SRPK2: variants seen among roughly 807,000 people sequenced by gnomAD.
SRPK2 encodes SFRS protein kinase 2.
Under a neutral mutation model 90.8 loss-of-function variants are expected in SRPK2, and 21 were observed. The ratio of observed to expected loss-of-function variants is 0.23; its 90% confidence interval spans 0.16 to 0.33. The LOEUF (loss-of-function observed/expected upper bound fraction) is 0.33, where lower values mean the gene tolerates loss of function less well. Among genes scored for constraint, SRPK2 ranks in the 10% least tolerant of loss-of-function variants. The probability of loss-of-function intolerance (pLI) is 1.00; values close to 1 mark genes in which losing one functional copy is unlikely to be tolerated. For synonymous variants in SRPK2, 288 were observed against 311.1 expected (o/e 0.93, Z 0.78); for missense variants, 620 against 869.0 (o/e 0.71, Z 3.60).
At chr7:105,257,949 T>C (rs1354752841) in intron 2 of SRPK2, among the ~76,000 whole-genome samples, 1 of 151,362 alleles carries the variant, frequency 6.6e-6, no homozygotes, top group Non-Finnish European at 1.5e-5. Flanking sequence ...CTACTAAAAA[T>C]ACAAAAAGTT....
chr7:105,236,878 A>G (rs1166900997), intron 2 of SRPK2, among the ~76,000 whole-genome samples: 2 of 152,240 alleles, frequency 1.3e-5, no homozygotes, highest in African/African-American at 4.8e-5. Flanking sequence ...CTCCACAAAT[A>G]TAGAGATAGA....
chr7:105,305,908 T>C (rs1430390702), intron 2 of SRPK2, among the ~76,000 whole-genome samples: 3 of 152,186 alleles, frequency 2.0e-5, no homozygotes, highest in African/African-American at 7.2e-5. Flanking sequence ...GTACAAATCA[T>C]GGGAAGATAA....
At chr7:105,301,558 T>C in intron 2 of SRPK2, 1 of 1,573,368 alleles carries the variant, frequency 6.4e-7, no homozygotes, top group Admixed American at 1.7e-5. Context: ...ACTAGAAGCA[T>C]TACGCTCTAT....
At chr7:105,159,719 C>T (rs896280781) in intron 7 of SRPK2, among the ~76,000 whole-genome samples, 1 of 152,188 alleles carries the variant, frequency 6.6e-6, no homozygotes, top group African/African-American at 2.4e-5. Flanking sequence ...AGCATCATCT[C>T]TAAGCCTGAC....
intron 2 of SRPK2, among the ~76,000 whole-genome samples, chr7:105,327,298 C>T (rs539433743): frequency 1.3e-5 from 2 of 152,264 alleles, no homozygotes; most frequent in African/African-American, 2.4e-5. Context: ...TGTCCATAAA[C>T]GAAGTTTGAT....
chr7:105,121,214 G>A (rs1232385011), intron 15 of SRPK2, among the ~76,000 whole-genome samples: 4 of 151,910 alleles, frequency 2.6e-5, no homozygotes, highest in Non-Finnish European at 5.9e-5. Flanking sequence ...GCGTGGTGGT[G>A]CACACCTGTA....
At chr7:105,222,389 T>C (rs1461231830) in intron 2 of SRPK2, among the ~76,000 whole-genome samples, 1 of 152,246 alleles carries the variant, frequency 6.6e-6, no homozygotes, top group Non-Finnish European at 1.5e-5. Context: ...ACAAGTAACA[T>C]TCCTTTTTAG....
intron 2 of SRPK2, chr7:105,205,910 A>G (rs536058131): frequency 2.2e-5 from 11 of 508,734 alleles, no homozygotes; most frequent in Middle Eastern, 3.2e-4. Context: ...TATATAAAAA[A>G]TGAGTACATT....
At chr7:105,194,043 G>C (rs943811358) in intron 3 of SRPK2, among the ~76,000 whole-genome samples, 2 of 151,910 alleles carry the variant, frequency 1.3e-5, no homozygotes. Flanking sequence ...GTCTGAAGCT[G>C]GTCTTTTCAT....
intron 2 of SRPK2, among the ~76,000 whole-genome samples, chr7:105,313,957 T>G (rs1812023994): frequency 6.6e-6 from 1 of 152,178 alleles, no homozygotes. Context: ...CTCATTTATA[T>G]CCAAAAAAAT....
At chr7:105,358,735 C>G (rs181087177) in intron 2 of SRPK2, among the ~76,000 whole-genome samples, 1 of 151,920 alleles carries the variant, frequency 6.6e-6, no homozygotes, top group Non-Finnish European at 1.5e-5. Flanking sequence ...AATATATTTA[C>G]TATTTGTCTT....
At chr7:105,136,841 A>G (rs1014119198) in intron 11 of SRPK2, among the ~76,000 whole-genome samples, 2 of 152,222 alleles carry the variant, frequency 1.3e-5, no homozygotes, top group South Asian at 2.1e-4. Flanking sequence ...CGTGCAACAA[A>G]TATTTACTGA....
At chr7:105,179,350 T>G (rs1156552532) in intron 3 of SRPK2, among the ~76,000 whole-genome samples, 3 of 152,342 alleles carry the variant, frequency 2.0e-5, no homozygotes, top group South Asian at 2.1e-4. Context: ...TTTACTGTTC[T>G]GCCAGTACTC....
chr7:105,207,921 G>A (rs1049634112), intron 2 of SRPK2, among the ~76,000 whole-genome samples: 1 of 152,072 alleles, frequency 6.6e-6, no homozygotes, highest in African/African-American at 2.4e-5. Flanking sequence ...CTTGTATCTA[G>A]AATATATAAA....
chr7:105,359,982 A>G (rs1197402589), intron 2 of SRPK2, among the ~76,000 whole-genome samples: 2 of 152,076 alleles, frequency 1.3e-5, no homozygotes, highest in Admixed American at 1.3e-4. Context: ...GTGGGGTGTT[A>G]AAGTCTCCCA....
intron 2 of SRPK2, among the ~76,000 whole-genome samples, chr7:105,249,496 A>G (rs74452986): frequency 7.0e-6 from 1 of 143,300 alleles, no homozygotes; most frequent in East Asian, 2.0e-4. Flanking sequence ...TAAAGAACAG[A>G]AAAAAAAAAA....
At chr7:105,127,664 C>T (rs73184092) in intron 13 of SRPK2, among the ~76,000 whole-genome samples, 2,208 of 152,302 alleles carry the variant, frequency 0.014, 22 homozygotes, top group Non-Finnish European at 0.024. Context: ...GTGGATGTCA[C>T]GGAGCACTGG....
At chr7:105,329,816 G>A (rs1278413590) in intron 2 of SRPK2, among the ~76,000 whole-genome samples, 1 of 151,836 alleles carries the variant, frequency 6.6e-6, no homozygotes, top group Non-Finnish European at 1.5e-5. Flanking sequence ...AATTATTTGA[G>A]GCCAAGAGTT....
intron 2 of SRPK2, among the ~76,000 whole-genome samples, chr7:105,296,835 T>C (rs113826850): frequency 9.5e-4 from 145 of 152,288 alleles, no homozygotes; most frequent in African/African-American, 3.3e-3. Context: ...ACACTGTCAT[T>C]ATCAACCCTC....
Sources: gnomAD v4.1 joint callset for allele counts (sites outside exome capture counted in the v4.1 genomes callset) on GRCh38, gnomAD v4.1.1 for gene constraint, MANE v1.5 for transcripts, NCBI Gene and HGNC (gene_info 2026-07-23, HGNC 2026-07-21) for gene names.